Variants in EYS observed in about 807,000 individuals in gnomAD.
The protein encoded by EYS is EGF-like photoreceptor maintenance factor.
EYS carries 250 observed loss-of-function variants against 282.1 expected under a neutral mutation model. The ratio of observed to expected loss-of-function variants is 0.89; its 90% CI spans 0.80 to 0.98. The LOEUF (loss-of-function observed/expected upper bound fraction) is 0.98, where lower values mean the gene tolerates loss of function less well. Ranked by LOEUF, EYS falls within the 50% of genes least tolerant of loss-of-function variation. EYS has a pLI of 0.00. For synonymous variants in EYS, 1,355 were observed against 1,282.9 expected, an observed-to-expected ratio of 1.06 and a Z score of -1.20; for missense variants, 4,016 against 3,709.0, an observed-to-expected ratio of 1.08 and a Z score of -2.15.
chr6:63,736,946 A>G (rs1481714633), intron 41 of EYS, among the ~76,000 whole-genome samples: 1 of 152,162 alleles, frequency 6.6e-6, no homozygotes. Flanking sequence ...TTGTATCCTG[A>G]GACTTTGCTG....
chr6:64,481,997 G>A (rs910025917), intron 26 of EYS, among the ~76,000 whole-genome samples: 13 of 151,766 alleles, frequency 8.6e-5, no homozygotes, highest in South Asian at 6.2e-4. Context: ...CTGGGACAAC[G>A]GAGGTGAGGT....
chr6:64,333,360 T>G (rs1050263004), intron 29 of EYS, among the ~76,000 whole-genome samples: 1 of 152,068 alleles, frequency 6.6e-6, no homozygotes. Flanking sequence ...CCCAGTAAAC[T>G]AAATAATATT....
chr6:64,606,426 C>T (rs1296521184), intron 24 of EYS, among the ~76,000 whole-genome samples: 1 of 151,850 alleles, frequency 6.6e-6, no homozygotes, highest in Non-Finnish European at 1.5e-5. Flanking sequence ...GTTTTTATAC[C>T]TCTATCAACA....
chr6:64,209,781 A>G (rs967199275), intron 31 of EYS, among the ~76,000 whole-genome samples: 8 of 152,024 alleles, frequency 5.3e-5, no homozygotes, highest in African/African-American at 1.9e-4. Flanking sequence ...TTTCTGCTTA[A>G]CCACTCTCTC....
At chr6:63,881,305 C>T (rs1182673132) in intron 35 of EYS, among the ~76,000 whole-genome samples, 2 of 152,130 alleles carry the variant, frequency 1.3e-5, no homozygotes, top group Admixed American at 6.6e-5. Flanking sequence ...AACTGCTAGG[C>T]TCACTATAGC....
intron 2 of EYS, among the ~76,000 whole-genome samples, chr6:65,633,612 C>T (rs992150522): frequency 6.6e-6 from 1 of 152,124 alleles, no homozygotes; most frequent in Non-Finnish European, 1.5e-5. Flanking sequence ...AGTGCTTCTC[C>T]CTCTACAGTT....
chr6:64,515,808 A>T (rs931696645), intron 26 of EYS, among the ~76,000 whole-genome samples: 8 of 151,668 alleles, frequency 5.3e-5, no homozygotes, highest in South Asian at 4.1e-4. Context: ...ATAAAAAAAA[A>T]CCTTAACTCT....
At chr6:64,070,033 A>C (rs1231132830) in intron 32 of EYS, among the ~76,000 whole-genome samples, 1 of 152,102 alleles carries the variant, frequency 6.6e-6, no homozygotes, top group African/African-American at 2.4e-5. Flanking sequence ...TCTGTTGTGA[A>C]TTGTTTCTTT....
chr6:65,057,097 A>G (rs1218345065), intron 13 of EYS, among the ~76,000 whole-genome samples: 2 of 152,040 alleles, frequency 1.3e-5, no homozygotes, highest in Non-Finnish European at 2.9e-5. Context: ...ATGAATTAGT[A>G]TCTATATACT....
chr6:64,793,798 C>T (rs1774263496), intron 22 of EYS, among the ~76,000 whole-genome samples: 1 of 150,316 alleles, frequency 6.7e-6, no homozygotes, highest in Admixed American at 6.6e-5. Flanking sequence ...ATTTTTCCAT[C>T]TGTTTTTTTT....
chr6:64,706,481 A>C (rs1054670703), intron 22 of EYS, among the ~76,000 whole-genome samples: 1 of 152,188 alleles, frequency 6.6e-6, no homozygotes, highest in African/African-American at 2.4e-5. Flanking sequence ...TTAAACTAAA[A>C]AACTCTGCAC....
chr6:63,823,099 AC>A (rs1237202800), intron 36 of EYS, among the ~76,000 whole-genome samples: 6 of 152,120 alleles, frequency 3.9e-5, no homozygotes, highest in Admixed American at 2.6e-4. Flanking sequence ...GTATTGAATA[AC>A]CTTGGTATTC....
chr6:65,384,904 G>C (rs1161688055), intron 7 of EYS, among the ~76,000 whole-genome samples: 1 of 151,876 alleles, frequency 6.6e-6, no homozygotes, highest in Non-Finnish European at 1.5e-5. Context: ...ATGAATTTGA[G>C]ACAGGATAGA....
At chr6:64,957,125 T>G (rs1040380030) in intron 14 of EYS, among the ~76,000 whole-genome samples, 3 of 152,216 alleles carry the variant, frequency 2.0e-5, no homozygotes, top group Non-Finnish European at 4.4e-5. Context: ...TTCACTTCCA[T>G]GTTTGTTGCA....
chr6:65,391,411 CA>C (rs902178507), intron 7 of EYS, among the ~76,000 whole-genome samples: 5 of 151,856 alleles, frequency 3.3e-5, no homozygotes, highest in Admixed American at 6.6e-5. Context: ...ATGATTGATT[CA>C]AAAAAACCCC....
At chr6:64,303,298 AT>A (rs1353874807) in intron 30 of EYS, among the ~76,000 whole-genome samples, 1 of 152,174 alleles carries the variant, frequency 6.6e-6, no homozygotes, top group Non-Finnish European at 1.5e-5. Context: ...TCACTCCTTG[AT>A]TGGAAAAGAA....
At chr6:63,788,558 C>G (rs567010230) in intron 38 of EYS, among the ~76,000 whole-genome samples, 7 of 152,280 alleles carry the variant, frequency 4.6e-5, no homozygotes, top group African/African-American at 1.7e-4. Flanking sequence ...TCCATAGAAC[C>G]ACCAGAGTCC....
intron 2 of EYS, among the ~76,000 whole-genome samples, chr6:65,506,286 A>G (rs896006559): frequency 6.6e-6 from 1 of 151,862 alleles, no homozygotes; most frequent in Non-Finnish European, 1.5e-5. Flanking sequence ...CACTCTGATA[A>G]GCAATTTTTT....
Position 64,439,224 on chromosome 6 carries a change from G to T in EYS, c.5773C>A (p.Gln1925Lys). Reference protein sequence around the residue: ...SSYGLLLYVKQDSNLVDGFFI... With the variant: ...SSYGLLLYVKKDSNLVDGFFI... ...AATCCATCTACTAAATTTGAGTCTT[G>T]CTTGACATACAGCAGAAGTCCATAG... Residue 1925 changes from glutamine (Q) to lysine (K), a missense_variant, in exon 27 of 43, where the codon CAA becomes AAA. Coordinates refer to ENST00000503581, the MANE Select transcript of EYS (RefSeq NM_001142800.2). 6.7e-7 allele frequency: 1 copy of T among 1,491,112 alleles called. No individual in the cohort carries two copies. 92.4% of individuals were successfully genotyped at this position (1,491,112 alleles called of 1,614,324 possible).
Sources: gnomAD v4.1 joint callset for allele counts (sites outside exome capture counted in the v4.1 genomes callset) on GRCh38, gnomAD v4.1.1 for gene constraint, MANE v1.5 for transcripts, NCBI Gene and HGNC (gene_info 2026-07-23, HGNC 2026-07-21) for gene names.